SHANK2: variants seen among roughly 807,000 people sequenced by gnomAD.
SHANK2 encodes the protein SH3 and multiple ankyrin repeat domains 2.
In SHANK2, 43 loss-of-function variants were observed where a neutral mutation model predicts 133.7. The observed-to-expected ratio is 0.32, with a 90% CI of 0.25 to 0.41. SHANK2 has a LOEUF of 0.41. SHANK2 is among the 10% of genes least tolerant of loss of function. SHANK2 has a pLI of 1.00. For missense variants in SHANK2, 1,994 were observed against 2,235.8 expected, an observed-to-expected ratio of 0.89 and a Z score of 2.18; for synonymous variants, 1,017 against 952.8, an observed-to-expected ratio of 1.07 and a Z score of -1.24.
At chr11:70,799,024 G>A (rs907782835) in intron 13 of SHANK2, among the ~76,000 whole-genome samples, 24 of 152,172 alleles carry the variant, frequency 1.6e-4, no homozygotes, top group Admixed American at 4.6e-4. Context: ...GGCAAGAACC[G>A]GAGGCAGATG....
intron 13 of SHANK2, 144 bp from the exon 14 acceptor site, chr11:70,798,700 C>T: frequency 1.6e-6 from 1 of 627,932 alleles, no homozygotes; most frequent in Middle Eastern, 2.6e-4. Flanking sequence ...GGTGTGACTG[C>T]ACTTCCTTCA....
At chr11:70,679,908 G>T (rs1026236780) in intron 15 of SHANK2, among the ~76,000 whole-genome samples, 1 of 152,212 alleles carries the variant, frequency 6.6e-6, no homozygotes, top group South Asian at 2.1e-4. Flanking sequence ...GGGTGACTGT[G>T]GCCTTTGGGG....
At chr11:70,887,296 C>T (rs1163055194) in intron 11 of SHANK2, among the ~76,000 whole-genome samples, 1 of 151,942 alleles carries the variant, frequency 6.6e-6, no homozygotes, top group Non-Finnish European at 1.5e-5. Context: ...GTGGTATTCA[C>T]GTCCACATTT....
chr11:70,848,410 C>T (rs1949031804), intron 11 of SHANK2, among the ~76,000 whole-genome samples: 1 of 152,214 alleles, frequency 6.6e-6, no homozygotes, highest in Non-Finnish European at 1.5e-5. Context: ...CCAAAGTGAG[C>T]TCCACGGGAC....
intron 17 of SHANK2, among the ~76,000 whole-genome samples, chr11:70,531,053 C>T (rs1216421380): frequency 3.4e-5 from 5 of 147,982 alleles, no homozygotes; most frequent in African/African-American, 1.2e-4. Flanking sequence ...GGCTTGGTGG[C>T]GCACATCTGT....
chr11:70,790,546 G>T (rs56970963), intron 14 of SHANK2, among the ~76,000 whole-genome samples: 214 of 152,334 alleles, frequency 1.4e-3, no homozygotes, highest in African/African-American at 4.8e-3. Flanking sequence ...GTTTCTTTGA[G>T]GAAGAAGAGA....
chr11:71,205,334 G>A (rs1420212228), intron 2 of SHANK2, among the ~76,000 whole-genome samples: 2 of 152,178 alleles, frequency 1.3e-5, no homozygotes, highest in African/African-American at 2.4e-5. Context: ...TGGTCAGAGG[G>A]TACTGACCAG....
At chr11:70,892,547 T>C (rs1555074907) in intron 11 of SHANK2, among the ~76,000 whole-genome samples, 1 of 152,202 alleles carries the variant, frequency 6.6e-6, no homozygotes, top group Non-Finnish European at 1.5e-5. Flanking sequence ...GGCAGCAGCA[T>C]GTGGTGGTTG....
At chr11:70,609,558 G>A (rs1322190885) in intron 17 of SHANK2, among the ~76,000 whole-genome samples, 2 of 152,088 alleles carry the variant, frequency 1.3e-5, no homozygotes, top group South Asian at 2.1e-4. Flanking sequence ...CAGCCCCAAC[G>A]CACATCCACT....
intron 14 of SHANK2, among the ~76,000 whole-genome samples, chr11:70,796,226 G>A (rs1947908834): frequency 6.6e-6 from 1 of 152,160 alleles, no homozygotes; most frequent in Admixed American, 6.5e-5. Flanking sequence ...GACGGGAAAA[G>A]CCCACAGGAG....
chr11:71,182,588 A>G (rs1953581365), intron 2 of SHANK2, among the ~76,000 whole-genome samples: 1 of 152,004 alleles, frequency 6.6e-6, no homozygotes. Flanking sequence ...TCTTCCCTCC[A>G]TGTCTGTGTC....
At chr11:71,143,962 T>G (rs1265158217) in intron 3 of SHANK2, among the ~76,000 whole-genome samples, 1 of 149,194 alleles carries the variant, frequency 6.7e-6, no homozygotes, top group East Asian at 2.0e-4. Flanking sequence ...GCACTGCTCT[T>G]AGGAACTCTT....
chr11:70,800,317 C>A (rs557948171), intron 13 of SHANK2, among the ~76,000 whole-genome samples: 2 of 152,244 alleles, frequency 1.3e-5, no homozygotes, highest in Non-Finnish European at 2.9e-5. Flanking sequence ...TGAGCCACTG[C>A]GCCGGTCTGT....
At chr11:70,615,494 G>A (rs563621368) in intron 17 of SHANK2, among the ~76,000 whole-genome samples, 1 of 152,270 alleles carries the variant, frequency 6.6e-6, no homozygotes, top group East Asian at 1.9e-4. Flanking sequence ...TGGCCCCGGG[G>A]TATAAAACCC....
rs951243362 is a variant in SHANK2 at position 70,807,991 on chromosome 11, G to A, written c.1494-820C>T. Among the ~76,000 whole-genome samples, 3 of 152,132 alleles carry A rather than the reference G, an allele frequency of 2.0e-5. No individual in the cohort carries two copies. The highest frequency in any genetic ancestry group is 6.5e-5 in the Admixed American group (1 of 15,268). On this transcript the variant is annotated intron_variant, in intron 12 of 25. Coordinates refer to ENST00000601538, the MANE Select transcript of SHANK2 (RefSeq NM_012309.5). This position sits in a 1 kb window ranked among gnomAD's most constrained non-coding sequence, Gnocchi z 4.8. ...TCATGGACACAGAAAGTAGAATGGC[G>A]GGTGCCGGGGGCTGGTGGAGAGAAT...
chr11:70,757,370 C>T (rs934984428), intron 14 of SHANK2, among the ~76,000 whole-genome samples: 3 of 152,214 alleles, frequency 2.0e-5, no homozygotes, highest in East Asian at 3.9e-4. Flanking sequence ...TGGCTGCTGC[C>T]CTGAGAAAGT....
chr11:70,743,248 GC>G (rs199576510), intron 14 of SHANK2, among the ~76,000 whole-genome samples: 2,334 of 152,088 alleles, frequency 0.015, 22 homozygotes, highest in South Asian at 0.027. Flanking sequence ...ACGTCTGCGT[GC>G]CCCCCCCAGT....
intron 11 of SHANK2, among the ~76,000 whole-genome samples, chr11:70,890,551 G>A (rs1283658311): frequency 1.3e-5 from 2 of 151,752 alleles, no homozygotes; most frequent in South Asian, 2.1e-4. Context: ...TGTAATCCCA[G>A]TACTTTGGGA....
At chr11:70,511,642 G>A (rs191650333) in intron 17 of SHANK2, among the ~76,000 whole-genome samples, 154 of 152,316 alleles carry the variant, frequency 1.0e-3, no homozygotes, top group Non-Finnish European at 1.7e-3. Flanking sequence ...GAGAGAAACT[G>A]TTGAGAAATC....
Sources: allele counts gnomAD v4.1 joint callset (sites outside exome capture counted in the v4.1 genomes callset), GRCh38; gene constraint gnomAD v4.1.1; non-coding constraint Gnocchi (gnomAD v3.1); transcripts MANE v1.5; gene names NCBI Gene and HGNC (gene_info 2026-07-23, HGNC 2026-07-21).